STAG1: variants seen among roughly 807,000 people sequenced by gnomAD.
STAG1 encodes the protein cohesin subunit SA-1.
In STAG1, 26 loss-of-function variants were observed where a neutral mutation model predicts 170.9. That is an observed-to-expected ratio of 0.15 (90% CI 0.11 to 0.21). The LOEUF is 0.21. Among genes scored for constraint, STAG1 ranks in the 10% least tolerant of loss-of-function variants. The pLI is 1.00. For synonymous variants in STAG1, 514 were observed against 497.7 expected (o/e 1.03, Z -0.44); for missense variants, 964 against 1,509.5 (o/e 0.64, Z 5.99).
chr3:136,510,981 AG>A (rs1211699684), intron 7 of STAG1, among the ~76,000 whole-genome samples: 1 of 152,110 alleles, frequency 6.6e-6, no homozygotes, highest in African/African-American at 2.4e-5. Context: ...CATGTTGGCC[AG>A]GCTAGTCTCG....
chr3:136,359,128 A>C lies in STAG1; in HGVS notation c.2936+20T>G. The stretch of plus-strand genomic sequence containing the variant: ...TCAAGTAAATCAGATTCTGCATAAC[A>C]AAGTGTTTATCTCACTCACTTGTGA... On this transcript the variant is annotated intron_variant, in intron 27 of 33. Coordinates refer to ENST00000383202, the MANE Select transcript of STAG1 (RefSeq NM_005862.3). The C allele has an allele frequency of 6.3e-7, 1 of 1,575,306 alleles. No individual in the cohort carries two copies. Among genetic ancestry groups the C allele is most frequent in the Non-Finnish European group, 8.6e-7 (1 of 1,156,516 alleles).
At chr3:136,377,593 A>G (rs1308541307) in intron 23 of STAG1, 67 bp downstream of exon 23, 1 of 1,334,342 alleles carries the variant, frequency 7.5e-7, no homozygotes, top group Non-Finnish European at 1.1e-6. Flanking sequence ...AAAAAATTGT[A>G]TCTTCTTAAT....
chr3:136,372,896 T>C (rs1482764401), intron 23 of STAG1, among the ~76,000 whole-genome samples: 7 of 152,234 alleles, frequency 4.6e-5, no homozygotes, highest in South Asian at 2.1e-4. Flanking sequence ...TCTTTTTCTA[T>C]TGATTGGAAT....
At chr3:136,485,316 G>A (rs1315943112) in intron 9 of STAG1, among the ~76,000 whole-genome samples, 2 of 152,016 alleles carry the variant, frequency 1.3e-5, no homozygotes, top group East Asian at 3.9e-4. Flanking sequence ...AATTAGCTGG[G>A]CGTGGTGGTG....
At chr3:136,393,975 C>T (rs1461563950) in intron 22 of STAG1, among the ~76,000 whole-genome samples, 1 of 152,130 alleles carries the variant, frequency 6.6e-6, no homozygotes, top group African/African-American at 2.4e-5. Flanking sequence ...AATCTTGGCT[C>T]ACTGCAACCT....
At chr3:136,394,381 G>A (rs1024747469) in intron 22 of STAG1, among the ~76,000 whole-genome samples, 1 of 152,140 alleles carries the variant, frequency 6.6e-6, no homozygotes, top group Non-Finnish European at 1.5e-5. Context: ...TAACTTGAGA[G>A]ACAAATACCT....
At chr3:136,705,183 G>A (rs1362508438) in intron 1 of STAG1, among the ~76,000 whole-genome samples, 1 of 152,014 alleles carries the variant, frequency 6.6e-6, no homozygotes, top group East Asian at 1.9e-4. Flanking sequence ...AGACCAGCCT[G>A]GCCAACACAG....
intron 13 of STAG1, among the ~76,000 whole-genome samples, chr3:136,454,067 A>T (rs1360941524): frequency 6.6e-6 from 1 of 152,088 alleles, no homozygotes; most frequent in African/African-American, 2.4e-5. Context: ...GGAAAATATG[A>T]ATATCCCTGA....
intron 23 of STAG1, 86 bp from the exon 24 acceptor site, chr3:136,369,368 A>G: frequency 3.9e-6 from 4 of 1,037,856 alleles, no homozygotes; most frequent in Non-Finnish European, 5.4e-6. Flanking sequence ...AAATTAAAAC[A>G]TAGTTTAATA....
intron 15 of STAG1, among the ~76,000 whole-genome samples, chr3:136,438,688 G>C (rs900041086): frequency 7.9e-5 from 12 of 151,866 alleles, no homozygotes; most frequent in African/African-American, 2.9e-4. Context: ...TTCTTCAGGA[G>C]AATGTAAGCT....
At chr3:136,500,560 G>T (rs1249780225) in intron 8 of STAG1, among the ~76,000 whole-genome samples, 1 of 152,112 alleles carries the variant, frequency 6.6e-6, no homozygotes, top group African/African-American at 2.4e-5. Flanking sequence ...GCTAAGTGTG[G>T]TCAGATTCCT....
chr3:136,710,635 C>A (rs1413116329), intron 1 of STAG1, among the ~76,000 whole-genome samples: 1 of 152,106 alleles, frequency 6.6e-6, no homozygotes, highest in Non-Finnish European at 1.5e-5. Flanking sequence ...CCCCTCCAAC[C>A]ATCGAGCGAA....
intron 10 of STAG1, among the ~76,000 whole-genome samples, chr3:136,476,490 A>G (rs1039680017): frequency 6.6e-6 from 1 of 152,220 alleles, no homozygotes; most frequent in African/African-American, 2.4e-5. Flanking sequence ...TGGAAAGCAA[A>G]CAAAAGTATT....
At chr3:136,546,175 A>G (rs1239829493) in intron 5 of STAG1, among the ~76,000 whole-genome samples, 2 of 152,226 alleles carry the variant, frequency 1.3e-5, no homozygotes, top group Admixed American at 1.3e-4. Flanking sequence ...CATATCTTCA[A>G]GAACTATTAA....
chr3:136,715,144 A>G (rs1287153479), intron 1 of STAG1, among the ~76,000 whole-genome samples: 1 of 143,772 alleles, frequency 7.0e-6, no homozygotes, highest in Non-Finnish European at 1.5e-5. Context: ...TGACCCAGAT[A>G]AAATTTGTGT....
chr3:136,608,026 G>A (rs1939050294), intron 3 of STAG1, among the ~76,000 whole-genome samples: 1 of 152,182 alleles, frequency 6.6e-6, no homozygotes, highest in Non-Finnish European at 1.5e-5. Flanking sequence ...GGAGGCCAAG[G>A]CGGGCAGATC....
intron 1 of STAG1, among the ~76,000 whole-genome samples, chr3:136,693,586 C>T (rs1401163253): frequency 6.6e-6 from 1 of 152,014 alleles, no homozygotes. Flanking sequence ...CACGTAGAGC[C>T]CTAATTGTTT....
chr3:136,626,175 C>T (rs1295486188), intron 2 of STAG1, among the ~76,000 whole-genome samples: 2 of 152,164 alleles, frequency 1.3e-5, no homozygotes, highest in African/African-American at 2.4e-5. Context: ...TGCCTGTAAT[C>T]CCAGCACTTT....
intron 1 of STAG1, among the ~76,000 whole-genome samples, chr3:136,727,527 T>C (rs141200168): frequency 1.3e-5 from 2 of 152,314 alleles, no homozygotes; most frequent in African/African-American, 4.8e-5. Flanking sequence ...CTATAACAGA[T>C]ACTTGAGAAA....
Sources: gnomAD v4.1 joint callset for allele counts (sites outside exome capture counted in the v4.1 genomes callset) on GRCh38, gnomAD v4.1.1 for gene constraint, MANE v1.5 for transcripts, NCBI Gene and HGNC (gene_info 2026-07-23, HGNC 2026-07-21) for gene names.